The following VWA5B1 variants were observed in gnomAD, a reference collection of about 807,000 sequenced individuals.
VWA5B1 encodes von Willebrand factor A domain containing 5B1.
A neutral mutation model predicts 118.2 loss-of-function variants in VWA5B1; 115 were observed. The observed-to-expected ratio is 0.97, with a 90% confidence interval of 0.84 to 1.14. VWA5B1 has a LOEUF of 1.14. Among genes scored for constraint, VWA5B1 ranks in the 50% most tolerant of loss-of-function variants. The probability of loss-of-function intolerance (pLI) is 0.00; values close to 1 mark genes in which losing one functional copy is unlikely to be tolerated. For missense variants in VWA5B1, 1,596 were observed against 1,603.8 expected, an observed-to-expected ratio of 1.00 and a Z score of 0.08; for synonymous variants, 682 against 658.4, an observed-to-expected ratio of 1.04 and a Z score of -0.55.
intron 1 of VWA5B1, among the ~76,000 whole-genome samples, chr1:20,299,950 G>A (rs1279266209): frequency 3.3e-5 from 5 of 152,228 alleles, no homozygotes; most frequent in African/African-American, 4.8e-5. Flanking sequence ...CAGGCCCTGC[G>A]TAAGAGCAGC....
chr1:20,299,126 A>T (rs2088458846), intron 1 of VWA5B1, among the ~76,000 whole-genome samples: 1 of 152,144 alleles, frequency 6.6e-6, no homozygotes, highest in African/African-American at 2.4e-5. Context: ...CCTACGACCC[A>T]ATGGAGGAGT....
chr1:20,353,121 A>C (rs764734377), intron 21 of VWA5B1, among the ~76,000 whole-genome samples: 10 of 152,188 alleles, frequency 6.6e-5, no homozygotes, highest in Admixed American at 1.3e-4. Flanking sequence ...CAGGATGAGG[A>C]GATATGGCCA....
chr1:20,323,156 T>C (rs1003110077), intron 7 of VWA5B1, 200 bp from the exon 8 acceptor site: 3 of 410,374 alleles, frequency 7.3e-6, no homozygotes, highest in African/African-American at 2.1e-5. Context: ...CCCAAGTCTT[T>C]CTGTCTGCAA....
chr1:20,332,508 A>AT, intron 11 of VWA5B1, among the ~76,000 whole-genome samples: 1 of 148,266 alleles, frequency 6.7e-6, no homozygotes, highest in Admixed American at 6.7e-5. Context: ...ATAAAATAAA[A>AT]TAAAATAAAA....
chr1:20,341,635 G>A (rs904696787), intron 14 of VWA5B1, among the ~76,000 whole-genome samples: 1 of 152,188 alleles, frequency 6.6e-6, no homozygotes, highest in African/African-American at 2.4e-5. Context: ...ATTCTATTAA[G>A]TTAGTCTTTT....
chr1:20,302,771 G>T (rs1383481116), intron 1 of VWA5B1, among the ~76,000 whole-genome samples: 6 of 152,156 alleles, frequency 3.9e-5, no homozygotes, highest in African/African-American at 1.2e-4. Context: ...TGGCATTGAA[G>T]CTGGCCTTGA....
At chr1:20,318,956 A>G (rs1280666854) in intron 6 of VWA5B1, among the ~76,000 whole-genome samples, 1 of 152,208 alleles carries the variant, frequency 6.6e-6, no homozygotes, top group Non-Finnish European at 1.5e-5. Flanking sequence ...CTAGGGTCTC[A>G]TCCACCCATC....
chr1:20,310,751 C>G lies in VWA5B1; in HGVS notation c.139+11C>G. On this transcript the variant is annotated intron_variant, in intron 2 of 21. Transcript: ENST00000289815. Reference sequence around the variant, plus strand: ...CCCAGCCCTTCCAGGGTAAGGACACCTGCTGGGGCCTCCCCGGGACCACCC... The same window carrying G: ...CCCAGCCCTTCCAGGGTAAGGACACGTGCTGGGGCCTCCCCGGGACCACCC... 2.0e-6 allele frequency: 3 copies of G among 1,531,312 alleles called. No individual in the cohort carries two copies. The highest frequency in any genetic ancestry group is 2.6e-6 in the Non-Finnish European group (3 of 1,139,306). The allele number at this position is 1,531,312 out of a possible 1,614,324, so 94.9% of individuals were successfully genotyped here. A position where few individuals can be genotyped will look rare whatever the true frequency, so the allele number is the denominator to read the frequency against.
chr1:20,323,587 G>A (rs1197499377), intron 8 of VWA5B1, 55 bp downstream of exon 8: 2 of 1,313,520 alleles, frequency 1.5e-6, no homozygotes, highest in African/African-American at 3.1e-5. Flanking sequence ...GAAATCAGCT[G>A]TGTGCCCCCA....
intron 12 of VWA5B1, among the ~76,000 whole-genome samples, chr1:20,335,289 C>T (rs4654853): frequency 0.25 from 38,018 of 152,110 alleles, 5,256 homozygotes; most frequent in East Asian, 0.39. Context: ...CTCCAGCCTA[C>T]GTGCAGTGTG....
At chr1:20,309,739 G>A (rs12095205) in intron 1 of VWA5B1, among the ~76,000 whole-genome samples, 24,130 of 152,062 alleles carry the variant, frequency 0.16, 2,744 homozygotes, top group African/African-American at 0.32. Context: ...GCCAGTGGGT[G>A]GAAGATGGAT....
At chr1:20,327,664 A>G (rs1005559136) in intron 8 of VWA5B1, among the ~76,000 whole-genome samples, 10 of 144,940 alleles carry the variant, frequency 6.9e-5, no homozygotes, top group Middle Eastern at 3.4e-3. Context: ...GATGATGATG[A>G]TGGTGGTGGT....
chr1:20,323,558 A>G, intron 8 of VWA5B1, 26 bp downstream of exon 8: 1 of 1,371,250 alleles, frequency 7.3e-7, no homozygotes, highest in Middle Eastern at 1.9e-4. Flanking sequence ...ACCCCTCCCG[A>G]GGACCCGGGG....
chr1:20,353,690 T>C, intron 21 of VWA5B1, 67 bp from the exon 22 acceptor site: 1 of 1,432,256 alleles, frequency 7.0e-7, no homozygotes, highest in Non-Finnish European at 9.1e-7. Context: ...ATCCAGACTT[T>C]TGCATGGCCT....
At chr1:20,353,607 A>G in intron 21 of VWA5B1, 150 bp from the exon 22 acceptor site, 1 of 993,132 alleles carries the variant, frequency 1.0e-6, no homozygotes, top group South Asian at 2.2e-5. Flanking sequence ...TGCAGGATAA[A>G]GGATAGAGAT....
At position 20,327,970 on chromosome 1, in the gene VWA5B1, C is replaced by T. The variant is rs61739563; in HGVS notation, c.1224C>T (p.Ser408=). The T allele has an allele frequency of 8.5e-5, 132 of 1,551,512 alleles. 1 individual carries two copies. In the African/African-American group the frequency reaches 1.6e-3, roughly 19 times the overall value. ...TTGGGTTTGGATCCACATTTAAGAG[C>T]CTTTTTCCTTCCAGCCAGACCTACA... ...NIIGFGSTFK[S]LFPSSQTYSE... Residue 408 remains serine (S), a synonymous_variant, in exon 9 of 22, where the codon AGC becomes AGT. Transcript: ENST00000289815.
chr1:20,335,992 A>G (rs1570177569), intron 12 of VWA5B1, among the ~76,000 whole-genome samples: 1 of 152,366 alleles, frequency 6.6e-6, no homozygotes, highest in East Asian at 1.9e-4. Context: ...GAAGGAACAG[A>G]TGGTTTATTT....
At chr1:20,349,828 T>C (rs971527780) in intron 18 of VWA5B1, among the ~76,000 whole-genome samples, 6 of 151,846 alleles carry the variant, frequency 4.0e-5, no homozygotes, top group African/African-American at 1.5e-4. Context: ...ATTATCTCAT[T>C]TCATCTTTAC....
rs914461508 is a variant in VWA5B1 at position 20,357,641 on chromosome 1, C to G, written c.*3378C>G. ...TGAACATACGAGGTGCTGTCCCTGT[C>G]CTTTTTGGAGCTTGGCAAGGAGCAT... On this transcript the variant is annotated 3_prime_UTR_variant, in exon 22 of 22. Coordinates refer to ENST00000289815, the MANE Select transcript of VWA5B1 (RefSeq NM_001039500.3). Among the ~76,000 whole-genome samples the G allele has an allele frequency of 1.5e-4, 23 of 152,280 alleles. No homozygotes were observed. The highest frequency in any genetic ancestry group is 5.5e-4 in the African/African-American group (23 of 41,560).
Sources: allele counts gnomAD v4.1 joint callset (sites outside exome capture counted in the v4.1 genomes callset), GRCh38; gene constraint gnomAD v4.1.1; transcripts MANE v1.5; gene names NCBI Gene and HGNC (gene_info 2026-07-23, HGNC 2026-07-21).